The following NAV3 variants were observed in gnomAD, a reference collection of about 807,000 sequenced individuals.
NAV3 encodes pore membrane and/or filament interacting like protein 1.
In NAV3, 87 loss-of-function variants were observed where a neutral mutation model predicts 244.7. That is an observed-to-expected ratio of 0.36 (90% CI 0.30 to 0.42). The LOEUF is 0.42. Ranked by LOEUF, NAV3 falls within the 20% of genes least tolerant of loss-of-function variation. The probability of loss-of-function intolerance (pLI) is 1.00; values close to 1 mark genes in which losing one functional copy is unlikely to be tolerated. For synonymous variants in NAV3, 1,126 were observed against 1,042.2 expected (o/e 1.08, Z -1.55); for missense variants, 2,663 against 2,893.3 (o/e 0.92, Z 1.83).
At chr12:78,144,366 A>G (rs1956762188) in intron 20 of NAV3, among the ~76,000 whole-genome samples, 1 of 152,080 alleles carries the variant, frequency 6.6e-6, no homozygotes, top group African/African-American at 2.4e-5. Context: ...CATCTCCAGG[A>G]CATTGGGCTT....
At chr12:77,831,803 A>T in intron 1 of NAV3, 99 bp downstream of exon 1, 1 of 1,331,114 alleles carries the variant, frequency 7.5e-7, no homozygotes, top group South Asian at 1.5e-5. Flanking sequence ...GTAGTAGAGG[A>T]ATACCAGTGT....
At chr12:77,733,616 GTTA>G (rs1877212245) in intron 2 of NAV3, among the ~76,000 whole-genome samples, 1 of 151,984 alleles carries the variant, frequency 6.6e-6, no homozygotes, top group Admixed American at 6.6e-5. Context: ...GCAGAATGTG[GTTA>G]TGATTTCGGG....
At chr12:77,975,798 G>C (rs1375007532) in intron 5 of NAV3, among the ~76,000 whole-genome samples, 1 of 149,310 alleles carries the variant, frequency 6.7e-6, no homozygotes. Flanking sequence ...CCTGGAGAGA[G>C]GGGAAGATAC....
intron 2 of NAV3, among the ~76,000 whole-genome samples, chr12:77,580,219 A>AAAAC (rs540863736): frequency 0.012 from 1,716 of 145,452 alleles, 7 homozygotes; most frequent in Non-Finnish European, 0.014. Flanking sequence ...GTAGGGTGGG[A>AAAAC]ACACACACAC....
intron 1 of NAV3, among the ~76,000 whole-genome samples, chr12:77,937,613 C>T (rs1271085084): frequency 6.6e-6 from 1 of 152,150 alleles, no homozygotes; most frequent in Non-Finnish European, 1.5e-5. Context: ...ATATGACAGC[C>T]TTAATCTGTT....
intron 2 of NAV3, among the ~76,000 whole-genome samples, chr12:77,619,219 CT>C (rs1210894097): frequency 1.3e-5 from 2 of 152,144 alleles, no homozygotes; most frequent in Non-Finnish European, 2.9e-5. Context: ...GAAAATAGAG[CT>C]CTCTCGTCAA....
chr12:78,075,102 A>G (rs1952978324), intron 12 of NAV3, among the ~76,000 whole-genome samples: 3 of 152,184 alleles, frequency 2.0e-5, no homozygotes, highest in Admixed American at 2.0e-4. Flanking sequence ...GATCAGGACT[A>G]TCACTGATCC....
At chr12:77,605,993 C>T (rs930658404) in intron 2 of NAV3, among the ~76,000 whole-genome samples, 1 of 152,188 alleles carries the variant, frequency 6.6e-6, no homozygotes, top group Non-Finnish European at 1.5e-5. Context: ...TTTTAACATA[C>T]AACCACTATT....
chr12:77,669,801 A>G (rs1291282421), intron 2 of NAV3, among the ~76,000 whole-genome samples: 1 of 152,144 alleles, frequency 6.6e-6, no homozygotes, highest in African/African-American at 2.4e-5. Context: ...ATCCAGACAG[A>G]AAGTCAACAA....
intron 20 of NAV3, among the ~76,000 whole-genome samples, chr12:78,142,382 C>T (rs915194708): frequency 1.3e-5 from 2 of 151,998 alleles, no homozygotes; most frequent in African/African-American, 2.4e-5. Flanking sequence ...TCTACACTAT[C>T]TAATATAGTA....
rs138593795 is a variant in NAV3 at position 77,973,373 on chromosome 12, A to T, written c.671+4671A>T. Reference sequence around the variant, plus strand: ...GATAAATCTTTCTGAATTAAAAAAAAATATATTGGGAACTTGAAAGTTTAT... The same window carrying T: ...GATAAATCTTTCTGAATTAAAAAAATATATATTGGGAACTTGAAAGTTTAT... On this transcript the variant is annotated intron_variant, in intron 5 of 39. Transcript: ENST00000397909. 1.8e-3 allele frequency among the ~76,000 whole-genome samples: 279 copies of T among 152,298 alleles called. 2 individuals are homozygous for T. The highest frequency in any genetic ancestry group is 6.1e-3 in the African/African-American group (253 of 41,586).
At chr12:77,912,020 A>G (rs1886646071) in intron 1 of NAV3, among the ~76,000 whole-genome samples, 1 of 152,122 alleles carries the variant, frequency 6.6e-6, no homozygotes, top group Admixed American at 6.6e-5. Flanking sequence ...CACCAAGTTA[A>G]AAAGGAATGA....
intron 2 of NAV3, among the ~76,000 whole-genome samples, chr12:77,599,426 C>T (rs1470343300): frequency 6.6e-6 from 1 of 151,786 alleles, no homozygotes; most frequent in African/African-American, 2.4e-5. Flanking sequence ...TCAAAAGTAT[C>T]ACTTTTGAAT....
At chr12:77,918,334 A>G (rs754256172) in intron 1 of NAV3, among the ~76,000 whole-genome samples, 12 of 152,082 alleles carry the variant, frequency 7.9e-5, no homozygotes, top group Non-Finnish European at 1.3e-4. Context: ...TGTTAGACCC[A>G]TAAAGAAAAA....
intron 8 of NAV3, among the ~76,000 whole-genome samples, chr12:78,008,156 G>C (rs1263943137): frequency 6.6e-6 from 1 of 151,086 alleles, no homozygotes; most frequent in East Asian, 1.9e-4. Flanking sequence ...CAAGGCATAG[G>C]TTTCTAGGTA....
rs148604432 is a variant in NAV3, at chr12:77,607,681, C to T, written c.72+35415C>T. 3.9e-4 allele frequency among the ~76,000 whole-genome samples: 60 copies of T among 152,192 alleles called. 1 individual carries two copies. Among genetic ancestry groups the T allele is most frequent in the African/African-American group, 1.4e-3 (59 of 41,548 alleles). On this transcript the variant is annotated intron_variant, in intron 2 of 8. Coordinates refer to the NAV3 transcript ENST00000550042. ...ATTATCAAGCATTCAATCCCAATTG[C>T]AACCTTATTTTCTTCTGTCTTAACC...
At chr12:78,166,427 A>C (rs1422817979) in intron 23 of NAV3, among the ~76,000 whole-genome samples, 1 of 117,670 alleles carries the variant, frequency 8.5e-6, no homozygotes, top group East Asian at 2.4e-4. Flanking sequence ...CTATCTTTTT[A>C]ATCAAAGACT....
At chr12:77,594,343 C>T (rs11105832) in intron 2 of NAV3, among the ~76,000 whole-genome samples, 38,802 of 151,940 alleles carry the variant, frequency 0.26, 5,286 homozygotes, top group African/African-American at 0.33. Context: ...GTTTAGCCCT[C>T]CTTCCAGGGC....
At chr12:77,601,408 A>G (rs562294121) in intron 2 of NAV3, among the ~76,000 whole-genome samples, 56 of 152,144 alleles carry the variant, frequency 3.7e-4, no homozygotes, top group Admixed American at 6.6e-4. Context: ...AGGGAAGGTT[A>G]TAACCATTTT....
Sources: gnomAD v4.1 joint callset for allele counts (sites outside exome capture counted in the v4.1 genomes callset) on GRCh38, gnomAD v4.1.1 for gene constraint, MANE v1.5 for transcripts, NCBI Gene and HGNC (gene_info 2026-07-23, HGNC 2026-07-21) for gene names.